Variants in LSAMP observed in about 807,000 individuals in gnomAD.
LSAMP encodes limbic system associated membrane protein.
In LSAMP, 7 loss-of-function variants were observed where a neutral mutation model predicts 38.6. That is an observed-to-expected ratio of 0.18 (90% CI 0.10 to 0.34). LSAMP has a LOEUF of 0.34. Among genes scored for constraint, LSAMP ranks in the 10% least tolerant of loss-of-function variants. The probability of loss-of-function intolerance (pLI) is 1.00; values close to 1 mark genes in which losing one functional copy is unlikely to be tolerated. For missense variants in LSAMP, 313 were observed against 420.0 expected, an observed-to-expected ratio of 0.75 and a Z score of 2.23; for synonymous variants, 154 against 166.8, an observed-to-expected ratio of 0.92 and a Z score of 0.59.
chr3:116,140,516 C>T (rs1358256317), intron 1 of LSAMP, among the ~76,000 whole-genome samples: 1 of 151,952 alleles, frequency 6.6e-6, no homozygotes, highest in Non-Finnish European at 1.5e-5. Context: ...GCCAGAATAA[C>T]TGGATCATCT....
chr3:116,346,825 C>T (rs13088599), intron 1 of LSAMP, among the ~76,000 whole-genome samples: 23,738 of 152,182 alleles, frequency 0.16, 2,196 homozygotes, highest in African/African-American at 0.25. Flanking sequence ...TACACATATC[C>T]TAGAGCAGTG....
intron 3 of LSAMP, among the ~76,000 whole-genome samples, chr3:115,943,031 GA>G (rs1295328858): frequency 1.3e-5 from 2 of 152,154 alleles, no homozygotes; most frequent in Non-Finnish European, 2.9e-5. Context: ...ACGTTAAGAA[GA>G]ACTCAGATGA....
At chr3:116,300,141 A>G (rs1364010873) in intron 1 of LSAMP, among the ~76,000 whole-genome samples, 1 of 152,198 alleles carries the variant, frequency 6.6e-6, no homozygotes, top group Non-Finnish European at 1.5e-5. Flanking sequence ...ACTGAGCTCC[A>G]TGAGGGAACA....
chr3:116,435,478 T>C (rs1184925559), intron 1 of LSAMP, among the ~76,000 whole-genome samples: 1 of 146,052 alleles, frequency 6.8e-6, no homozygotes, highest in Non-Finnish European at 1.5e-5. Context: ...GTCCTTCTCT[T>C]GATAAGACCT....
chr3:116,401,287 A>T (rs1194107170), intron 1 of LSAMP, among the ~76,000 whole-genome samples: 1 of 149,820 alleles, frequency 6.7e-6, no homozygotes, highest in African/African-American at 2.4e-5. Flanking sequence ...CCTTGGTGAC[A>T]TTTTTTTTTT....
At chr3:115,826,679 T>G (rs1934423021) in intron 6 of LSAMP, among the ~76,000 whole-genome samples, 1 of 152,188 alleles carries the variant, frequency 6.6e-6, no homozygotes, top group African/African-American at 2.4e-5. Flanking sequence ...ATGAATGGTG[T>G]CGTCAAGATA....
chr3:115,867,996 G>A (rs1486321555), intron 3 of LSAMP, among the ~76,000 whole-genome samples: 1 of 152,096 alleles, frequency 6.6e-6, no homozygotes, highest in African/African-American at 2.4e-5. Context: ...TAAAGGACTG[G>A]AGGTCCAAAA....
chr3:116,175,512 T>C (rs1172977208), intron 1 of LSAMP, among the ~76,000 whole-genome samples: 1 of 152,006 alleles, frequency 6.6e-6, no homozygotes, highest in East Asian at 1.9e-4. Context: ...CTGCTTTGAT[T>C]TAACCTAAAC....
intron 1 of LSAMP, among the ~76,000 whole-genome samples, chr3:116,191,223 AAAAC>A (rs367819081): frequency 1.1e-4 from 17 of 152,148 alleles, no homozygotes; most frequent in Middle Eastern, 3.2e-3. Flanking sequence ...ACTCTGTCTC[AAAAC>A]AAACAAACAA....
chr3:116,104,673 C>A (rs1429851072), intron 1 of LSAMP, among the ~76,000 whole-genome samples: 5 of 152,136 alleles, frequency 3.3e-5, no homozygotes, highest in African/African-American at 1.2e-4. Context: ...CTTACAGTAT[C>A]ATTCTTTGCC....
At position 115,816,361 on chromosome 3, in the gene LSAMP, C is replaced by G. The variant is rs184481918; in HGVS notation, c.920-5947G>C. ...AAGGGAAAGTAGGAACAGGGAGCAGCGCAAAGCATAACTTGCTGTGTTCCA... is the reference window on the plus strand; with the variant it reads ...AAGGGAAAGTAGGAACAGGGAGCAGGGCAAAGCATAACTTGCTGTGTTCCA... On this transcript the variant is annotated intron_variant, in intron 6 of 6. Coordinates refer to ENST00000490035, the MANE Select transcript of LSAMP (RefSeq NM_002338.5). 2.9e-3 allele frequency among the ~76,000 whole-genome samples: 440 copies of G among 152,176 alleles called. 2 individuals carry two copies. The highest frequency in any genetic ancestry group is 2.7e-3 in the Non-Finnish European group (184 of 68,006).
chr3:116,214,905 A>T (rs2046202249), intron 1 of LSAMP, among the ~76,000 whole-genome samples: 1 of 152,252 alleles, frequency 6.6e-6, no homozygotes, highest in South Asian at 2.1e-4. Flanking sequence ...GAAATAATAA[A>T]TTTCAATGAA....
chr3:115,896,553 A>G (rs377633861), intron 3 of LSAMP, among the ~76,000 whole-genome samples: 16 of 152,242 alleles, frequency 1.1e-4, no homozygotes, highest in African/African-American at 3.4e-4. Flanking sequence ...GTCATCCTGC[A>G]CTGTCAAAAA....
intron 1 of LSAMP, among the ~76,000 whole-genome samples, chr3:116,390,161 ACAC>A (rs1293629914): frequency 6.6e-6 from 1 of 151,236 alleles, no homozygotes; most frequent in African/African-American, 2.5e-5. Context: ...ACACACACAC[ACAC>A]ATTTAGTTAC....
chr3:116,111,998 G>A (rs1011745154), intron 1 of LSAMP, among the ~76,000 whole-genome samples: 3 of 152,228 alleles, frequency 2.0e-5, no homozygotes, highest in Non-Finnish European at 4.4e-5. Context: ...AGGTAGGACA[G>A]CTCCTTCTCC....
intron 6 of LSAMP, among the ~76,000 whole-genome samples, chr3:115,836,970 T>C (rs1477720053): frequency 6.6e-6 from 1 of 152,094 alleles, no homozygotes; most frequent in East Asian, 1.9e-4. Flanking sequence ...TTGGTAGAGA[T>C]GGGTTTTTGC....
intron 2 of LSAMP, among the ~76,000 whole-genome samples, chr3:116,033,419 G>A (rs999762020): frequency 4.6e-5 from 7 of 152,110 alleles, no homozygotes; most frequent in African/African-American, 1.4e-4. Context: ...TGGAGAAAAT[G>A]TCAAAAGATT....
intron 6 of LSAMP, among the ~76,000 whole-genome samples, chr3:115,827,720 A>G (rs984944342): frequency 6.6e-6 from 1 of 152,166 alleles, no homozygotes; most frequent in Admixed American, 6.5e-5. Flanking sequence ...TCTGTGGTGG[A>G]TATAAGCTGA....
At chr3:116,026,489 A>G (rs1940795463) in intron 2 of LSAMP, among the ~76,000 whole-genome samples, 1 of 152,186 alleles carries the variant, frequency 6.6e-6, no homozygotes, top group Admixed American at 6.5e-5. Flanking sequence ...CCCAGAATCC[A>G]TGCCTCTTTC....
Sources: gnomAD v4.1 joint callset for allele counts (sites outside exome capture counted in the v4.1 genomes callset) on GRCh38, gnomAD v4.1.1 for gene constraint, MANE v1.5 for transcripts, NCBI Gene and HGNC (gene_info 2026-07-23, HGNC 2026-07-21) for gene names.